The following ORC3 variants were observed in gnomAD, a reference collection of about 807,000 sequenced individuals.
The protein encoded by ORC3 is homolog of latheo, Drosophila.
A neutral mutation model predicts 100.7 loss-of-function variants in ORC3; 78 were observed. The observed-to-expected ratio is 0.77, with a 90% confidence interval of 0.65 to 0.94. The LOEUF is 0.94. Among genes scored for constraint, ORC3 ranks in the 40% least tolerant of loss-of-function variants. The pLI, the probability that ORC3 is intolerant of heterozygous loss-of-function variation, is 0.00. For synonymous variants in ORC3, 295 were observed against 289.3 expected, an observed-to-expected ratio of 1.02 and a Z score of -0.20; for missense variants, 789 against 823.9, an observed-to-expected ratio of 0.96 and a Z score of 0.52.
chr6:87,643,509 G>T (rs1308923629), intron 13 of ORC3, among the ~76,000 whole-genome samples: 1 of 152,134 alleles, frequency 6.6e-6, no homozygotes, highest in Non-Finnish European at 1.5e-5. Context: ...ATGGCTGTAG[G>T]CAGTTGATCT....
chr6:87,666,925 C>T, intron 19 of ORC3, 93 bp from the exon 20 acceptor site: 1 of 694,238 alleles, frequency 1.4e-6, no homozygotes, highest in South Asian at 1.9e-5. Flanking sequence ...GAACTATCTA[C>T]TTCATTTTAC....
chr6:87,605,278 A>G (rs1010192411), intron 4 of ORC3, among the ~76,000 whole-genome samples: 7 of 152,176 alleles, frequency 4.6e-5, no homozygotes, highest in Non-Finnish European at 1.0e-4. Flanking sequence ...GGCATGAGCT[A>G]TACTGCACCT....
intron 12 of ORC3, among the ~76,000 whole-genome samples, chr6:87,635,526 G>C (rs772048861): frequency 2.0e-5 from 3 of 152,190 alleles, no homozygotes; most frequent in Admixed American, 6.5e-5. Context: ...GCTGGGTGCA[G>C]TGACTCACGC....
intron 16 of ORC3, among the ~76,000 whole-genome samples, chr6:87,659,027 G>GA (rs1554254491): frequency 7.1e-6 from 1 of 140,064 alleles, no homozygotes; most frequent in African/African-American, 2.6e-5. Flanking sequence ...TGGGGCGGGG[G>GA]GGGGAGAACC....
At chr6:87,603,357 T>G (rs372626812) in intron 3 of ORC3, 27 bp from the exon 4 acceptor site, 41 of 1,257,454 alleles carry the variant, frequency 3.3e-5, no homozygotes, top group Non-Finnish European at 4.2e-5. Flanking sequence ...TTTCTAATAA[T>G]AATAAGTTTT....
chr6:87,653,252 A>G lies in ORC3; in HGVS notation c.1516+3A>G. 6.2e-7 allele frequency: 1 copy of G among 1,612,846 alleles called. No homozygotes were observed. The highest frequency in any genetic ancestry group is 8.5e-7 in the Non-Finnish European group (1 of 1,179,332). ...GGCCCAGTTTCAGAGCCTCGATGGT[A>G]AGAGTGTAATATCCTTCCAATTCTA... On this transcript the variant is annotated splice_donor_region_variant and intron_variant, in intron 14 of 19. Coordinates refer to ENST00000392844, the MANE Select transcript of ORC3 (RefSeq NM_012381.4).
chr6:87,676,748 C>G, the ORC3 span, among the ~76,000 whole-genome samples: 19 of 151,284 alleles, frequency 1.3e-4, no homozygotes, highest in Non-Finnish European at 2.5e-4. Context: ...CCACTGCACT[C>G]CGGCCTGGGC....
At position 87,605,265 on chromosome 6, in the gene ORC3, A is replaced by G. The variant is rs566251708; in HGVS notation, c.323-652A>G. Among the ~76,000 whole-genome samples the G allele has an allele frequency of 1.5e-4, 23 of 152,306 alleles. No individual in the cohort carries two copies. In the South Asian group the frequency reaches 4.8e-3, roughly 32 times the overall value. On this transcript the variant is annotated intron_variant, in intron 4 of 19. Coordinates refer to ENST00000392844, the MANE Select transcript of ORC3 (RefSeq NM_012381.4). ...GTGATCCTCCCAAAGTGCTGGGATT[A>G]TGGGCATGAGCTATACTGCACCTGG...
intron 11 of ORC3, among the ~76,000 whole-genome samples, chr6:87,630,033 A>G (rs1275040399): frequency 6.6e-6 from 1 of 152,178 alleles, no homozygotes; most frequent in Non-Finnish European, 1.5e-5. Flanking sequence ...GTTAGAACCA[A>G]TATTTACATA....
intron 13 of ORC3, among the ~76,000 whole-genome samples, chr6:87,644,856 A>T (rs1230726114): frequency 2.0e-5 from 3 of 152,152 alleles, no homozygotes; most frequent in Admixed American, 2.0e-4. Context: ...CCAAAAAAAA[A>T]AAAATTGCAT....
At chr6:87,599,614 C>A (rs1280147586) in intron 2 of ORC3, among the ~76,000 whole-genome samples, 1 of 152,034 alleles carries the variant, frequency 6.6e-6, no homozygotes, top group Non-Finnish European at 1.5e-5. Context: ...GAACCGCCCA[C>A]CTTGGCCTCC....
chr6:87,593,542 G>T (rs1274382503), intron 1 of ORC3, among the ~76,000 whole-genome samples: 1 of 152,176 alleles, frequency 6.6e-6, no homozygotes, highest in East Asian at 1.9e-4. Context: ...AAACTTTAAT[G>T]GATAAATGAG....
At chr6:87,652,543 A>T (rs1445772310) in intron 13 of ORC3, among the ~76,000 whole-genome samples, 2 of 152,332 alleles carry the variant, frequency 1.3e-5, no homozygotes, top group East Asian at 3.9e-4. Flanking sequence ...CCCATAGGAG[A>T]TGTAAAGCAT....
intron 16 of ORC3, 57 bp downstream of exon 16, chr6:87,658,075 C>G: frequency 1.1e-6 from 1 of 911,824 alleles, no homozygotes; most frequent in Non-Finnish European, 1.8e-6. Context: ...CCAAATAACA[C>G]TGGTGTCATA....
In ORC3 at chr6:87,634,910, A is replaced by T; in HGVS notation, c.1251A>T (p.Arg417Ser). The change falls in exon 12 of 20, where the codon AGA (arginine) becomes AGT (serine). Residue 417 changes from arginine (R) to serine (S), a missense_variant. This residue lies in a region of ORC3 where 366 missense variants were observed against 394.2 expected (regional missense o/e 0.93). Transcript: ENST00000392844. ...ATATGAATTACTTCCTGGTTTTGAG[A>T]TGTCTTCATAAGTTCACCTCTTCTC... ...VYHMNYFLVLRCLHKFTSSLP... is the reference protein window; with the variant it reads ...VYHMNYFLVLSCLHKFTSSLP... The T allele has an allele frequency of 6.2e-7, 1 of 1,607,732 alleles. No individual in the cohort carries two copies. The highest frequency in any genetic ancestry group is 2.2e-5 in the East Asian group (1 of 44,834).
rs373490954 is a variant in ORC3, at chr6:87,656,934, G to A, written c.1545G>A (p.Gly515=). 11 of 1,613,078 alleles carry A rather than the reference G, an allele frequency of 6.8e-6. No individual in the cohort carries two copies. Among genetic ancestry groups the A allele is most frequent in the Admixed American group, 3.3e-5 (2 of 59,940 alleles). The change falls in exon 15 of 20, where the codon GGG becomes GGA. Residue 515 remains glycine (G), a synonymous_variant. Coordinates refer to ENST00000392844, the MANE Select transcript of ORC3 (RefSeq NM_012381.4). ...CCAAAGAGGAAGAAGATGCTTCTGG[G>A]TCACAGCCAAAGGGGCTTCAGAAGA... is the stretch of plus-strand genomic sequence containing the variant. The part of the protein sequence containing the change: ...DETKEEEDAS[G]SQPKGLQKTD...
At chr6:87,638,444 C>T (rs1767985391) in intron 13 of ORC3, among the ~76,000 whole-genome samples, 1 of 152,042 alleles carries the variant, frequency 6.6e-6, no homozygotes, top group Non-Finnish European at 1.5e-5. Flanking sequence ...TAAAATGACC[C>T]CTGAATGATG....
Position 87,667,360 on chromosome 6 carries a change from G to A in ORC3, c.*237G>A. On this transcript the variant is annotated 3_prime_UTR_variant, in exon 20 of 20. Coordinates refer to ENST00000392844, the MANE Select transcript of ORC3 (RefSeq NM_012381.4). ...ACTAAAACTGCTCACACATTTTACTGTACTTTCCAAAGTCATTACTAAATT... is the reference window on the plus strand; with the variant it reads ...ACTAAAACTGCTCACACATTTTACTATACTTTCCAAAGTCATTACTAAATT... 1 of 367,384 alleles carries A rather than the reference G, an allele frequency of 2.7e-6. No homozygotes were observed. The highest frequency in any genetic ancestry group is 4.8e-6 in the Non-Finnish European group (1 of 207,256). 22.8% of individuals were successfully genotyped at this position (367,384 alleles called of 1,614,324 possible).
chr6:87,659,100 G>C (rs1296139098), intron 16 of ORC3, among the ~76,000 whole-genome samples: 3 of 120,906 alleles, frequency 2.5e-5, no homozygotes, highest in African/African-American at 3.3e-5. Context: ...GTCTCACTCT[G>C]TCGCCCAGGC....
Sources: gnomAD v4.1 joint callset for allele counts (sites outside exome capture counted in the v4.1 genomes callset) on GRCh38, gnomAD v4.1.1 for gene constraint, gnomAD v4.1.1 regional missense constraint, MANE v1.5 for transcripts, NCBI Gene and HGNC (gene_info 2026-07-23, HGNC 2026-07-21) for gene names.